CDH4: variants seen among roughly 807,000 people sequenced by gnomAD.
The protein encoded by CDH4 is cadherin-4.
A neutral mutation model predicts 86.0 loss-of-function variants in CDH4; 33 were observed. The ratio of observed to expected loss-of-function variants is 0.38; its 90% CI spans 0.29 to 0.51. The LOEUF (loss-of-function observed/expected upper bound fraction) is 0.51, where lower values mean the gene tolerates loss of function less well. Ranked by LOEUF, CDH4 falls within the 20% of genes least tolerant of loss-of-function variation. CDH4 has a pLI of 0.86. For synonymous variants in CDH4, 555 were observed against 549.4 expected, an observed-to-expected ratio of 1.01 and a Z score of -0.14; for missense variants, 1,114 against 1,307.4, an observed-to-expected ratio of 0.85 and a Z score of 2.28.
At chr20:61,325,334 T>C (rs6028116) in intron 2 of CDH4, among the ~76,000 whole-genome samples, 39,006 of 152,038 alleles carry the variant, frequency 0.26, 5,029 homozygotes, top group Middle Eastern at 0.4. Flanking sequence ...GTAAGGCAAA[T>C]CCAAAGGTAT....
intron 2 of CDH4, among the ~76,000 whole-genome samples, chr20:61,587,856 T>C (rs1568699689): frequency 6.6e-6 from 1 of 152,074 alleles, no homozygotes; most frequent in Non-Finnish European, 1.5e-5. Flanking sequence ...AAACTCAAAG[T>C]GTACAGTTCA....
intron 4 of CDH4, among the ~76,000 whole-genome samples, chr20:61,843,507 CAT>C (rs71331931): frequency 0.42 from 57,402 of 137,108 alleles, 14,009 homozygotes; most frequent in Non-Finnish European, 0.56. Context: ...GCCTGGGAAA[CAT>C]AGTGAGACCT....
chr20:61,255,420 C>T (rs2427016), intron 2 of CDH4, among the ~76,000 whole-genome samples: 15,900 of 152,270 alleles, frequency 0.1, 868 homozygotes, highest in Middle Eastern at 0.19. Flanking sequence ...TTAGCTTTAT[C>T]GTAATTGCAG....
intron 4 of CDH4, among the ~76,000 whole-genome samples, chr20:61,791,439 C>T (rs1401277515): frequency 1.3e-5 from 2 of 152,226 alleles, no homozygotes; most frequent in Non-Finnish European, 2.9e-5. Context: ...TAGGAAAGTC[C>T]ATCTTAGGCC....
intron 2 of CDH4, among the ~76,000 whole-genome samples, chr20:61,653,303 C>T (rs2087145014): frequency 7.4e-6 from 1 of 134,936 alleles, no homozygotes. Context: ...TTTCTTAGTA[C>T]AGAACAAAAT....
At chr20:61,611,801 G>A (rs6089243) in intron 2 of CDH4, among the ~76,000 whole-genome samples, 1 of 151,832 alleles carries the variant, frequency 6.6e-6, no homozygotes, top group African/African-American at 2.4e-5. Flanking sequence ...ACCTGGGTGT[G>A]GATCTGAGCT....
At chr20:61,296,964 C>T (rs1039768497) in intron 2 of CDH4, among the ~76,000 whole-genome samples, 1 of 152,134 alleles carries the variant, frequency 6.6e-6, no homozygotes, top group African/African-American at 2.4e-5. Context: ...TGGCTCTGAG[C>T]GACAGAACTG....
In CDH4 at chr20:61,377,766, C is replaced by A. The variant is rs529247363; in HGVS notation, c.169+122829C>A. ...TGTAAAGGGTACATTCCATCTGTTC[C>A]CCATCTGGACTCCTTAGGTCGGTCC... is the stretch of plus-strand genomic sequence containing the variant. On this transcript the variant is annotated intron_variant, in intron 2 of 15. Coordinates refer to ENST00000614565, the MANE Select transcript of CDH4 (RefSeq NM_001794.5). The surrounding 1 kb of genome is among the most constrained non-coding windows in gnomAD (Gnocchi z 4.0). Among the ~76,000 whole-genome samples the A allele has an allele frequency of 4.6e-5, 7 of 152,300 alleles. No individual in the cohort carries two copies. The South Asian group carries it at 1.2e-3, about 27-fold the overall frequency.
intron 2 of CDH4, among the ~76,000 whole-genome samples, chr20:61,309,254 G>A (rs963926055): frequency 6.6e-6 from 1 of 152,198 alleles, no homozygotes; most frequent in African/African-American, 2.4e-5. Flanking sequence ...CTGTAGGGGT[G>A]CAGCAGGAGC....
intron 15 of CDH4, among the ~76,000 whole-genome samples, chr20:61,936,080 G>A (rs1444783925): frequency 2.0e-5 from 3 of 151,922 alleles, no homozygotes. Flanking sequence ...CAACACCCAC[G>A]GCACTGCCAA....
intron 2 of CDH4, among the ~76,000 whole-genome samples, chr20:61,568,766 C>T: frequency 6.6e-6 from 1 of 152,194 alleles, no homozygotes; most frequent in Non-Finnish European, 1.5e-5. Flanking sequence ...CAGCCTTAGG[C>T]TTGAGCTGTG....
intron 2 of CDH4, among the ~76,000 whole-genome samples, chr20:61,680,150 G>A (rs2087494696): frequency 6.6e-6 from 1 of 152,190 alleles, no homozygotes; most frequent in South Asian, 2.1e-4. Context: ...CCAGGACCCA[G>A]CACCACCTCC....
In CDH4 at chr20:61,598,960, C is replaced by T. The variant is rs142324593; in HGVS notation, c.170-144603C>T. On this transcript the variant is annotated intron_variant, in intron 2 of 15. Coordinates refer to ENST00000614565, the MANE Select transcript of CDH4 (RefSeq NM_001794.5). ...CCTTTTTTATGAGCATCTTGAGGTC[C>T]GTTGGGCTAACACGAGTCCCTCAGT... 5.8e-4 allele frequency among the ~76,000 whole-genome samples: 88 copies of T among 152,300 alleles called. No individual in the cohort carries two copies. The East Asian group carries it at 6.2e-3, about 11-fold the overall frequency.
At chr20:61,851,287 C>A (rs200576335) in intron 5 of CDH4, among the ~76,000 whole-genome samples, 1 of 152,212 alleles carries the variant, frequency 6.6e-6, no homozygotes, top group East Asian at 1.9e-4. Flanking sequence ...GTAAAGCCAG[C>A]CTCTAGATCT....
intron 6 of CDH4, among the ~76,000 whole-genome samples, chr20:61,863,976 T>C (rs1983439192): frequency 6.6e-6 from 1 of 152,216 alleles, no homozygotes. Context: ...GCCCCACAAT[T>C]CACATCCATC....
intron 2 of CDH4, among the ~76,000 whole-genome samples, chr20:61,644,351 ACAGGGCTGCG>A (rs1432518281): frequency 6.6e-6 from 1 of 152,218 alleles, no homozygotes; most frequent in East Asian, 1.9e-4. Context: ...TCACAGATGC[ACAGGGCTGCG>A]CAGAGCCCTT....
intron 4 of CDH4, among the ~76,000 whole-genome samples, chr20:61,823,370 T>C (rs1440865175): frequency 5.5e-4 from 3 of 5,482 alleles, no homozygotes; most frequent in South Asian, 5.2e-3. Flanking sequence ...ACAGTGATGA[T>C]GATGGCAGTG....
intron 3 of CDH4, among the ~76,000 whole-genome samples, chr20:61,745,029 G>A (rs2088396739): frequency 6.6e-6 from 1 of 152,238 alleles, no homozygotes; most frequent in Non-Finnish European, 1.5e-5. Context: ...TGGAAAGAAT[G>A]TGTGCCAACC....
intron 2 of CDH4, among the ~76,000 whole-genome samples, chr20:61,356,688 G>A (rs2084752306): frequency 6.6e-6 from 1 of 152,202 alleles, no homozygotes; most frequent in African/African-American, 2.4e-5. Context: ...GAAAGTTTGA[G>A]CTAAATTGGT....
Sources: gnomAD v4.1 joint callset for allele counts (sites outside exome capture counted in the v4.1 genomes callset) on GRCh38, gnomAD v4.1.1 for gene constraint, Gnocchi (gnomAD v3.1) non-coding constraint, MANE v1.5 for transcripts, NCBI Gene and HGNC (gene_info 2026-07-23, HGNC 2026-07-21) for gene names.